The following NBAS variants were observed in gnomAD, a reference collection of about 807,000 sequenced individuals.
NBAS encodes NAG/BC035112 fusion.
In NBAS, 219 loss-of-function variants were observed where a neutral mutation model predicts 302.5. The observed-to-expected ratio is 0.72, with a 90% CI of 0.65 to 0.81. The LOEUF (loss-of-function observed/expected upper bound fraction) is 0.81. Ranked by LOEUF, NBAS falls within the 30% of genes least tolerant of loss-of-function variation. NBAS has a pLI of 0.00. For synonymous variants in NBAS, 1,118 were observed against 1,021.6 expected (o/e 1.09, Z -1.80); for missense variants, 2,932 against 2,841.6 (o/e 1.03, Z -0.72).
intron 21 of NBAS, among the ~76,000 whole-genome samples, chr2:15,445,756 G>GT (rs949305585): frequency 2.0e-5 from 3 of 151,438 alleles, no homozygotes; most frequent in Non-Finnish European, 4.4e-5. Flanking sequence ...AAGTTACCAG[G>GT]TATGTAAAGA....
At chr2:15,269,743 A>G (rs144037196) in intron 44 of NBAS, among the ~76,000 whole-genome samples, 1,555 of 152,330 alleles carry the variant, frequency 0.01, 13 homozygotes, top group Middle Eastern at 0.027. Flanking sequence ...CATACCTGGG[A>G]AATAAATCCA....
rs1404615256 is a variant in NBAS, at chr2:15,316,890, G to A, written c.4583-7643C>T. Among the ~76,000 whole-genome samples the A allele has an allele frequency of 4.6e-5, 7 of 152,268 alleles. No individual in the cohort carries two copies. In the South Asian group the frequency reaches 8.3e-4, roughly 18 times the overall value. Reference sequence around the variant, plus strand: ...AGAGCAGTGGTTCTCCCAGCATAGCGTTTGAGCTCTGAGAAAGGACAGACT... The same window carrying A: ...AGAGCAGTGGTTCTCCCAGCATAGCATTTGAGCTCTGAGAAAGGACAGACT... On this transcript the variant is annotated intron_variant, in intron 38 of 51. Coordinates refer to ENST00000281513, the MANE Select transcript of NBAS (RefSeq NM_015909.4).
the NBAS span, among the ~76,000 whole-genome samples, chr2:15,007,294 A>AG: frequency 1.1e-4 from 17 of 152,326 alleles, no homozygotes; most frequent in South Asian, 3.5e-3. Context: ...AGAAACCAGC[A>AG]GTGGCTGCTG....
At chr2:14,905,137 G>A in the NBAS span, among the ~76,000 whole-genome samples, 3 of 152,210 alleles carry the variant, frequency 2.0e-5, no homozygotes, top group Non-Finnish European at 4.4e-5. Flanking sequence ...CCACATTGAA[G>A]GTGGGTATTC....
At chr2:14,895,803 C>G in the NBAS span, among the ~76,000 whole-genome samples, 1 of 150,796 alleles carries the variant, frequency 6.6e-6, no homozygotes, top group South Asian at 2.1e-4. Context: ...AGAATGGGTA[C>G]GCTTGGATAC....
rs779182119 is a variant in NBAS, at chr2:15,275,783, T to C, written c.5425A>G (p.Ser1809Gly). 33 of 1,613,840 alleles carry C rather than the reference T, an allele frequency of 2.0e-5. No individual in the cohort carries two copies. The Admixed American group carries it at 5.5e-4, about 27-fold the overall frequency. The part of the protein sequence containing the change: ...NYKKLTDENM[S>G]PLEALEPVLS... ...ACTGGCTCCAATGCTTCAAGAGGACTCATGTTTTCATCTGTCAGCTTTTTG... is the reference window on the plus strand; with the variant it reads ...ACTGGCTCCAATGCTTCAAGAGGACCCATGTTTTCATCTGTCAGCTTTTTG... The change falls in exon 44 of 52, where the codon AGT becomes GGT. Residue 1809 changes from serine to glycine, a missense_variant. Physicochemically the swap from Ser to Gly is moderately conservative, Grantham distance 56 (BLOSUM62 0). Coordinates refer to ENST00000281513, the MANE Select transcript of NBAS (RefSeq NM_015909.4).
the NBAS span, among the ~76,000 whole-genome samples, chr2:14,972,567 T>C: frequency 6.6e-6 from 1 of 152,226 alleles, no homozygotes; most frequent in East Asian, 1.9e-4. Context: ...ACAGTATGAA[T>C]ATCTAAACAT....
the NBAS span, among the ~76,000 whole-genome samples, chr2:14,945,397 A>T: frequency 1.7e-4 from 26 of 152,308 alleles, no homozygotes; most frequent in African/African-American, 6.0e-4. Context: ...ATCACAGAAC[A>T]CAACAGCAAA....
chr2:15,507,461 T>C lies in NBAS; in HGVS notation c.886-3248A>G, dbSNP rs73915322. ...TCAGTCAACTTTGTTCATTCTCATA[T>C]AGTTTTCCAAAATTTTGATCTTAAA... On this transcript the variant is annotated intron_variant, in intron 10 of 51. Coordinates refer to ENST00000281513, the MANE Select transcript of NBAS (RefSeq NM_015909.4). 5.3e-5 allele frequency among the ~76,000 whole-genome samples: 8 copies of C among 152,252 alleles called. No homozygotes were observed. In the East Asian group the frequency reaches 5.8e-4, roughly 11 times the overall value.
chr2:15,349,391 G>A (rs1424266545), intron 35 of NBAS, among the ~76,000 whole-genome samples: 1 of 152,166 alleles, frequency 6.6e-6, no homozygotes, highest in South Asian at 2.1e-4. Context: ...CACATCCAAT[G>A]AGGGAAAACA....
the NBAS span, among the ~76,000 whole-genome samples, chr2:14,846,862 A>C: frequency 6.6e-6 from 1 of 152,160 alleles, no homozygotes; most frequent in Admixed American, 6.5e-5. Context: ...ATACCACCAG[A>C]AAAAATAATT....
At chr2:14,833,730 T>C in the NBAS span, among the ~76,000 whole-genome samples, 631 of 152,198 alleles carry the variant, frequency 4.1e-3, 9 homozygotes, top group African/African-American at 0.015. Context: ...ACCTGGATTC[T>C]AGTCCTGACC....
chr2:15,425,466 G>A (rs911181758), intron 22 of NBAS, among the ~76,000 whole-genome samples: 1 of 152,178 alleles, frequency 6.6e-6, no homozygotes, highest in Non-Finnish European at 1.5e-5. Context: ...CAAAATAACA[G>A]AGCACTGCCT....
chr2:15,213,436 CCT>C (rs1161745832), intron 48 of NBAS, among the ~76,000 whole-genome samples: 2 of 152,158 alleles, frequency 1.3e-5, no homozygotes, highest in African/African-American at 2.4e-5. Flanking sequence ...CTGTCAAACC[CCT>C]GATTTCTCAT....
intron 44 of NBAS, among the ~76,000 whole-genome samples, chr2:15,250,921 C>T (rs1668335437): frequency 6.6e-6 from 1 of 152,140 alleles, no homozygotes; most frequent in African/African-American, 2.4e-5. Flanking sequence ...GGATCTAGAA[C>T]TAGAAATACC....
the NBAS span, among the ~76,000 whole-genome samples, chr2:15,049,747 A>C: frequency 1.3e-5 from 2 of 152,218 alleles, no homozygotes; most frequent in Non-Finnish European, 2.9e-5. Context: ...ACTGTGTCCC[A>C]GCATGGGGAC....
the NBAS span, among the ~76,000 whole-genome samples, chr2:14,950,359 G>T: frequency 2.6e-5 from 4 of 152,072 alleles, no homozygotes; most frequent in Admixed American, 6.6e-5. Context: ...CCTTTTTGTG[G>T]CTGAGTAGTA....
chr2:15,329,726 G>T (rs909067087), intron 36 of NBAS, among the ~76,000 whole-genome samples: 5 of 152,096 alleles, frequency 3.3e-5, no homozygotes, highest in African/African-American at 1.2e-4. Context: ...CAAGTGTGCT[G>T]CCCCAGTCCA....
intron 44 of NBAS, among the ~76,000 whole-genome samples, chr2:15,246,346 C>G (rs971548501): frequency 1.3e-5 from 2 of 152,198 alleles, no homozygotes; most frequent in African/African-American, 4.8e-5. Flanking sequence ...CCTGACTAAA[C>G]AATGAGATCC....
Sources: allele counts gnomAD v4.1 joint callset (sites outside exome capture counted in the v4.1 genomes callset), GRCh38; gene constraint gnomAD v4.1.1; transcripts MANE v1.5; gene names NCBI Gene and HGNC (gene_info 2026-07-23, HGNC 2026-07-21).